Variants in CEP85L observed in about 807,000 individuals in gnomAD.
CEP85L encodes the protein centrosomal protein 85L, also known as centrosomal protein of 85 kDa-like.
CEP85L carries 60 observed loss-of-function variants against 100.3 expected under a neutral mutation model. That is an observed-to-expected ratio of 0.60 (90% CI 0.49 to 0.74). CEP85L has a LOEUF of 0.74. Ranked by LOEUF, CEP85L falls within the 30% of genes least tolerant of loss-of-function variation. CEP85L has a pLI of 0.00. For synonymous variants in CEP85L, 319 were observed against 322.7 expected (o/e 0.99, Z 0.12); for missense variants, 973 against 936.2 (o/e 1.04, Z -0.51).
intron 1 of CEP85L, among the ~76,000 whole-genome samples, chr6:118,667,469 C>T (rs1473250439): frequency 6.6e-6 from 1 of 152,174 alleles, no homozygotes; most frequent in African/African-American, 2.4e-5. Context: ...GGATCTTAGA[C>T]ATGAACTAAA....
intron 3 of CEP85L, among the ~76,000 whole-genome samples, chr6:118,532,204 T>C (rs1326776227): frequency 6.6e-6 from 1 of 152,108 alleles, no homozygotes; most frequent in East Asian, 1.9e-4. Flanking sequence ...AATATGTCCT[T>C]TGAAGCAACA....
chr6:118,540,655 G>A (rs754012450), intron 3 of CEP85L, among the ~76,000 whole-genome samples: 9 of 151,952 alleles, frequency 5.9e-5, no homozygotes, highest in Non-Finnish European at 1.3e-4. Context: ...TACTAGGGAG[G>A]CTGAGGCAGG....
At chr6:118,505,311 C>T (rs531370567) in intron 5 of CEP85L, among the ~76,000 whole-genome samples, 2 of 148,640 alleles carry the variant, frequency 1.3e-5, no homozygotes, top group East Asian at 4.0e-4. Flanking sequence ...TGTGGTGACA[C>T]GCGCCTGTAA....
chr6:118,480,610 TATAGA>T, intron 8 of CEP85L, 97 bp from the exon 9 acceptor site: 1 of 749,318 alleles, frequency 1.3e-6, no homozygotes. Context: ...TAAAAAATAT[TATAGA>T]CCCTAAAAAT....
At chr6:118,599,157 G>A (rs1480528648) in intron 2 of CEP85L, among the ~76,000 whole-genome samples, 2 of 152,140 alleles carry the variant, frequency 1.3e-5, no homozygotes, top group Non-Finnish European at 2.9e-5. Context: ...CCAGATCTTG[G>A]TTTCTGAATA....
rs185310687 is a variant in CEP85L, at chr6:118,496,974, C to T, written c.1258-5109G>A. Among the ~76,000 whole-genome samples the T allele has an allele frequency of 2.5e-3, 387 of 152,254 alleles. 1 individual carries two copies. The highest frequency in any genetic ancestry group is 4.8e-3 in the Non-Finnish European group (327 of 68,022). On this transcript the variant is annotated intron_variant, in intron 5 of 12. Transcript: ENST00000368491. ...TCAAACATTAGCAGAAATCTTGAAACAGACTGAGCCAGGGCCTTCTTTCTC... is the reference window on the plus strand; with the variant it reads ...TCAAACATTAGCAGAAATCTTGAAATAGACTGAGCCAGGGCCTTCTTTCTC...
chr6:118,696,820 G>A (rs1219947769), intron 1 of CEP85L, among the ~76,000 whole-genome samples: 1 of 152,102 alleles, frequency 6.6e-6, no homozygotes, highest in Admixed American at 6.6e-5. Context: ...GGTGCAAGAG[G>A]TAGTTGATTA....
chr6:118,672,843 G>A (rs12205793), intron 1 of CEP85L, among the ~76,000 whole-genome samples: 4,214 of 151,688 alleles, frequency 0.028, 87 homozygotes, highest in African/African-American at 0.049. Flanking sequence ...AGGAGGAAGA[G>A]GAGGAGGAAG....
intron 1 of CEP85L, among the ~76,000 whole-genome samples, chr6:118,650,439 T>C (rs1453840896): frequency 2.0e-5 from 3 of 152,186 alleles, no homozygotes; most frequent in African/African-American, 7.2e-5. Context: ...GGCTGTCCGA[T>C]ACAAACAGAC....
At chr6:118,693,006 C>G (rs777778923) in intron 1 of CEP85L, among the ~76,000 whole-genome samples, 5 of 152,178 alleles carry the variant, frequency 3.3e-5, no homozygotes, top group Non-Finnish European at 7.3e-5. Context: ...TAGAAAGATT[C>G]TGAAGGTGGT....
At chr6:118,606,224 C>A (rs1451354757) in intron 2 of CEP85L, among the ~76,000 whole-genome samples, 3 of 152,126 alleles carry the variant, frequency 2.0e-5, no homozygotes, top group Non-Finnish European at 4.4e-5. Context: ...CCTTTCAGAT[C>A]TCTTATTACC....
At chr6:118,652,304 T>A, upstream of CEP85L, 1 of 738,062 alleles carries the variant, frequency 1.4e-6, no homozygotes. Flanking sequence ...TTCTTCCTCT[T>A]CTTGGCCAGT....
At chr6:118,596,525 G>A (rs1370216018) in intron 2 of CEP85L, among the ~76,000 whole-genome samples, 1 of 152,100 alleles carries the variant, frequency 6.6e-6, no homozygotes, top group Non-Finnish European at 1.5e-5. Context: ...AGAAAGACAT[G>A]AATTAAGGAA....
chr6:118,686,031 T>C (rs796177115), intron 1 of CEP85L, among the ~76,000 whole-genome samples: 30 of 152,294 alleles, frequency 2.0e-4, no homozygotes, highest in African/African-American at 6.3e-4. Context: ...ACTCGATTCA[T>C]TCCCAAAGTG....
intron 1 of CEP85L, among the ~76,000 whole-genome samples, chr6:118,702,443 T>C (rs925971818): frequency 6.6e-6 from 1 of 151,856 alleles, no homozygotes; most frequent in African/African-American, 2.4e-5. Flanking sequence ...GTCTGGGAGG[T>C]CAAGGATGCA....
chr6:118,514,538 A>AG (rs1554210587), intron 4 of CEP85L, among the ~76,000 whole-genome samples: 1,493 of 148,120 alleles, frequency 0.01, 28 homozygotes, highest in African/African-American at 0.033. Context: ...AAAAAAAAAA[A>AG]AAAAAGAAAA....
At chr6:118,689,127 A>T (rs1474338864) in intron 1 of CEP85L, among the ~76,000 whole-genome samples, 1 of 152,100 alleles carries the variant, frequency 6.6e-6, no homozygotes, top group Non-Finnish European at 1.5e-5. Context: ...GTTTTCTGGG[A>T]TTACCTCGCC....
chr6:118,594,518 TA>T (rs1263866870), intron 2 of CEP85L, among the ~76,000 whole-genome samples: 1 of 152,106 alleles, frequency 6.6e-6, no homozygotes, highest in African/African-American at 2.4e-5. Context: ...TGTACCTTTT[TA>T]AAATAAAATA....
intron 1 of CEP85L, among the ~76,000 whole-genome samples, chr6:118,672,246 C>T (rs1331192740): frequency 6.6e-6 from 1 of 152,122 alleles, no homozygotes; most frequent in Non-Finnish European, 1.5e-5. Context: ...CCACGTTGGC[C>T]AGGCAAGTCT....
Sources: gnomAD v4.1 joint callset for allele counts (sites outside exome capture counted in the v4.1 genomes callset) on GRCh38, gnomAD v4.1.1 for gene constraint, MANE v1.5 for transcripts, NCBI Gene and HGNC (gene_info 2026-07-23, HGNC 2026-07-21) for gene names.